ANO4: variants seen among roughly 807,000 people sequenced by gnomAD.
ANO4 encodes the protein anoctamin 4.
ANO4 carries 69 observed loss-of-function variants against 141.9 expected under a neutral mutation model. The ratio of observed to expected loss-of-function variants is 0.49; its 90% CI spans 0.40 to 0.59. ANO4 has a LOEUF of 0.59. ANO4 is among the 20% of genes least tolerant of loss of function. The pLI is 0.00. For missense variants in ANO4, 894 were observed against 1,162.2 expected, an observed-to-expected ratio of 0.77 and a Z score of 3.36; for synonymous variants, 350 against 394.3, an observed-to-expected ratio of 0.89 and a Z score of 1.33.
intron 8 of ANO4, among the ~76,000 whole-genome samples, chr12:101,001,611 G>T (rs1038249633): frequency 6.6e-6 from 1 of 152,046 alleles, no homozygotes; most frequent in African/African-American, 2.4e-5. Context: ...GACATATATT[G>T]ACTGCCCACT....
intron 1 of ANO4, among the ~76,000 whole-genome samples, chr12:100,834,395 C>T (rs1048955472): frequency 6.6e-6 from 1 of 152,128 alleles, no homozygotes; most frequent in African/African-American, 2.4e-5. Flanking sequence ...GAAGGAGAAA[C>T]TGAATTGCAG....
At chr12:100,773,946 C>G (rs1436282941) in intron 3 of ANO4, among the ~76,000 whole-genome samples, 2 of 152,088 alleles carry the variant, frequency 1.3e-5, no homozygotes, top group African/African-American at 4.8e-5. Context: ...GTAAATAAAA[C>G]TTTATTGGAA....
chr12:100,846,493 A>G (rs1305323195), intron 1 of ANO4, among the ~76,000 whole-genome samples: 5 of 152,180 alleles, frequency 3.3e-5, no homozygotes. Context: ...AGAAAATTCA[A>G]TTTTATGTAA....
In ANO4 at chr12:100,774,715, C is replaced by A. The variant is rs111609837; in HGVS notation, c.358+34610C>A. ...GAAATGATGCTTAGTCAAAGACAAA[C>A]AAAAACGAGATGGCCACTGTCCACG... On this transcript the variant is annotated intron_variant, in intron 3 of 29. Transcript: ENST00000644049. 2.2e-4 allele frequency among the ~76,000 whole-genome samples: 32 copies of A among 148,330 alleles called. 2 individuals carry two copies. Among genetic ancestry groups the A allele is most frequent in the African/African-American group, 7.8e-4 (32 of 40,828 alleles).
At chr12:100,728,101 T>C (rs1055185911) in intron 1 of ANO4, among the ~76,000 whole-genome samples, 4 of 152,104 alleles carry the variant, frequency 2.6e-5, no homozygotes, top group Admixed American at 2.6e-4. Context: ...TTATTTTATA[T>C]TGACAGTAGA....
At chr12:100,960,893 C>T (rs1000879831) in intron 5 of ANO4, among the ~76,000 whole-genome samples, 1 of 152,128 alleles carries the variant, frequency 6.6e-6, no homozygotes, top group Non-Finnish European at 1.5e-5. Context: ...GTAGGGAAAA[C>T]ATTATGATGG....
chr12:100,768,216 G>T (rs1298454036), intron 3 of ANO4, among the ~76,000 whole-genome samples: 1 of 152,178 alleles, frequency 6.6e-6, no homozygotes, highest in African/African-American at 2.4e-5. Context: ...CTGGTGCTAG[G>T]GTCCGTAGCC....
chr12:100,886,050 C>G (rs2039810173), intron 1 of ANO4, among the ~76,000 whole-genome samples: 1 of 150,036 alleles, frequency 6.7e-6, no homozygotes, highest in East Asian at 2.0e-4. Context: ...CACTAAACAT[C>G]AAAAAAGTTA....
At chr12:100,740,996 A>T (rs902342143) in intron 3 of ANO4, among the ~76,000 whole-genome samples, 1 of 152,216 alleles carries the variant, frequency 6.6e-6, no homozygotes, top group African/African-American at 2.4e-5. Context: ...GATCCTTGGA[A>T]GTCATGAGTT....
At chr12:100,731,309 A>C (rs2031370691) in intron 1 of ANO4, among the ~76,000 whole-genome samples, 1 of 152,192 alleles carries the variant, frequency 6.6e-6, no homozygotes, top group African/African-American at 2.4e-5. Flanking sequence ...TATATTAGAC[A>C]AAATGTATTT....
chr12:101,105,039 G>A (rs963090459), intron 22 of ANO4, among the ~76,000 whole-genome samples: 1 of 152,130 alleles, frequency 6.6e-6, no homozygotes, highest in Non-Finnish European at 1.5e-5. Flanking sequence ...GCAACACTTT[G>A]AGGATATGAT....
intron 3 of ANO4, among the ~76,000 whole-genome samples, chr12:100,759,555 A>G (rs2032768936): frequency 6.6e-6 from 1 of 152,042 alleles, no homozygotes; most frequent in Non-Finnish European, 1.5e-5. Flanking sequence ...AGACCCGAGA[A>G]CCCTCCCACA....
chr12:100,891,610 TTTTA>T (rs140442067), intron 1 of ANO4, among the ~76,000 whole-genome samples: 122 of 152,248 alleles, frequency 8.0e-4, no homozygotes, highest in African/African-American at 2.7e-3. Context: ...TATTTTAATA[TTTTA>T]TTTATGTACT....
At chr12:100,800,586 T>C (rs2034623623) in intron 1 of ANO4, among the ~76,000 whole-genome samples, 1 of 152,264 alleles carries the variant, frequency 6.6e-6, no homozygotes, top group African/African-American at 2.4e-5. Flanking sequence ...GCTTCTGATT[T>C]TGTGACCTGA....
At chr12:101,061,179 C>CT (rs556536284) in intron 14 of ANO4, among the ~76,000 whole-genome samples, 12 of 152,038 alleles carry the variant, frequency 7.9e-5, no homozygotes, top group African/African-American at 2.9e-4. Flanking sequence ...GTTGAAAATT[C>CT]TTTTTTTTAA....
At position 100,942,420 on chromosome 12, in the gene ANO4, A is replaced by G; in HGVS notation, c.341A>G (p.Asp114Gly). ...RNKSNGLYFRDGKCRIDYILV... is the reference protein window; with the variant it reads ...RNKSNGLYFRGGKCRIDYILV... ...AAATCAAATGGACTTTACTTTCGAG[A>G]TGGAAAGTGTCGAATTGACTACATC... Residue 114 changes from aspartate to glycine, a missense_variant, in exon 5 of 28, where the codon GAT (aspartate) becomes GGT (glycine). Coordinates refer to ENST00000392977, the MANE Select transcript of ANO4 (RefSeq NM_001286615.2). The G allele has an allele frequency of 6.2e-7, 1 of 1,614,080 alleles. No individual in the cohort carries two copies. Among genetic ancestry groups the G allele is most frequent in the East Asian group, 2.2e-5 (1 of 44,870 alleles).
At chr12:100,973,122 G>A (rs955170792) in intron 6 of ANO4, among the ~76,000 whole-genome samples, 2 of 152,218 alleles carry the variant, frequency 1.3e-5, no homozygotes, top group African/African-American at 4.8e-5. Context: ...AGAAAATATT[G>A]TTAATGTGTG....
chr12:100,890,993 T>C (rs966826236), intron 1 of ANO4, among the ~76,000 whole-genome samples: 1 of 152,206 alleles, frequency 6.6e-6, no homozygotes, highest in Non-Finnish European at 1.5e-5. Context: ...CTTTTTACTG[T>C]CTCCATAGTT....
intron 22 of ANO4, among the ~76,000 whole-genome samples, chr12:101,106,812 T>G (rs2050465798): frequency 6.6e-6 from 1 of 151,882 alleles, no homozygotes; most frequent in Non-Finnish European, 1.5e-5. Flanking sequence ...TCATTCTTTA[T>G]GCTTTCCAAT....
Sources: gnomAD v4.1 joint callset for allele counts (sites outside exome capture counted in the v4.1 genomes callset) on GRCh38, gnomAD v4.1.1 for gene constraint, MANE v1.5 for transcripts, NCBI Gene and HGNC (gene_info 2026-07-23, HGNC 2026-07-21) for gene names.